Variants in ADAMTSL1 observed in about 807,000 individuals in gnomAD.
ADAMTSL1 encodes the protein ADAMTS-like protein 1.
ADAMTSL1 carries 126 observed loss-of-function variants against 201.8 expected under a neutral mutation model. That is an observed-to-expected ratio of 0.62 (90% confidence interval 0.54 to 0.72). The LOEUF (loss-of-function observed/expected upper bound fraction) is 0.72, where lower values mean the gene tolerates loss of function less well. ADAMTSL1 is among the 30% of genes least tolerant of loss of function. The probability of loss-of-function intolerance (pLI) is 0.00; values close to 1 mark genes in which losing one functional copy is unlikely to be tolerated. For missense variants in ADAMTSL1, 2,679 were observed against 2,277.8 expected, an observed-to-expected ratio of 1.18 and a Z score of -3.59; for synonymous variants, 1,121 against 903.4, an observed-to-expected ratio of 1.24 and a Z score of -4.32.
intron 3 of ADAMTSL1, among the ~76,000 whole-genome samples, chr9:18,561,838 A>AT (rs1251981033): frequency 6.6e-5 from 10 of 151,988 alleles, no homozygotes; most frequent in Admixed American, 6.6e-4. Context: ...AGAGACTAGG[A>AT]TTGTACCCCT....
At chr9:17,941,639 G>T (rs539946466) in intron 1 of ADAMTSL1, among the ~76,000 whole-genome samples, 3 of 152,064 alleles carry the variant, frequency 2.0e-5, no homozygotes, top group African/African-American at 7.2e-5. Flanking sequence ...GTATAGAGTC[G>T]GGGCAATATT....
At chr9:18,716,535 G>T (rs1832948391) in intron 14 of ADAMTSL1, among the ~76,000 whole-genome samples, 1 of 150,192 alleles carries the variant, frequency 6.7e-6, no homozygotes. Flanking sequence ...AAACCACAAT[G>T]AGATACCATC....
chr9:18,434,391 T>C (rs1384922727), intron 2 of ADAMTSL1, among the ~76,000 whole-genome samples: 1 of 152,150 alleles, frequency 6.6e-6, no homozygotes, highest in Admixed American at 6.5e-5. Context: ...CAAATTTTTA[T>C]GGAAACCTAC....
intron 2 of ADAMTSL1, among the ~76,000 whole-genome samples, chr9:18,192,931 A>G (rs1296781802): frequency 3.9e-5 from 6 of 152,116 alleles, no homozygotes; most frequent in South Asian, 4.1e-4. Context: ...GCTTGCTGCA[A>G]TTCCTATTTT....
At chr9:18,495,624 G>C (rs1822496711) in intron 1 of ADAMTSL1, among the ~76,000 whole-genome samples, 1 of 152,204 alleles carries the variant, frequency 6.6e-6, no homozygotes, top group Non-Finnish European at 1.5e-5. Context: ...TACAGCTACA[G>C]GTTAAGCTAG....
At chr9:18,703,701 C>CATATACATATATATATATAT (rs1832059369) in intron 13 of ADAMTSL1, among the ~76,000 whole-genome samples, 1 of 78,812 alleles carries the variant, frequency 1.3e-5, no homozygotes, top group South Asian at 4.5e-4. Context: ...TGCGCACATA[C>CATATACATATATATATATAT]ATATATATAT....
At position 18,669,935 on chromosome 9, in the gene ADAMTSL1, G is replaced by A. The variant is rs573832097; in HGVS notation, c.1086-5922G>A. Among the ~76,000 whole-genome samples the A allele has an allele frequency of 2.7e-4, 41 of 152,238 alleles. 1 individual carries two copies. Among genetic ancestry groups the A allele is most frequent in the African/African-American group, 9.6e-4 (40 of 41,554 alleles). ...TGACCTTCCAACTCCCAGCCTCTCA[G>A]GTGATCCTTTTCCTCATTATGGCCA... On this transcript the variant is annotated intron_variant, in intron 9 of 28. Transcript: ENST00000380548.
chr9:18,786,089 G>T (rs1821691546), intron 19 of ADAMTSL1, among the ~76,000 whole-genome samples: 1 of 152,190 alleles, frequency 6.6e-6, no homozygotes, highest in South Asian at 2.1e-4. Context: ...CAAAAGGAAT[G>T]CAAGTGAACT....
intron 23 of ADAMTSL1, among the ~76,000 whole-genome samples, 173 bp from the exon 24 acceptor site, chr9:18,887,658 C>A (rs1166013791): frequency 6.6e-6 from 1 of 152,068 alleles, no homozygotes; most frequent in Non-Finnish European, 1.5e-5. Flanking sequence ...CCTAGAAATT[C>A]AGAGAATAAA....
At chr9:18,134,277 G>T (rs1826068130) in intron 1 of ADAMTSL1, among the ~76,000 whole-genome samples, 1 of 152,148 alleles carries the variant, frequency 6.6e-6, no homozygotes, top group African/African-American at 2.4e-5. Context: ...CCGGTGTGCT[G>T]CTACTTATTT....
intron 2 of ADAMTSL1, among the ~76,000 whole-genome samples, chr9:18,418,942 A>G (rs146480314): frequency 1.3e-5 from 2 of 152,366 alleles, no homozygotes; most frequent in African/African-American, 2.4e-5. Context: ...AATACTTACT[A>G]TAAAGCTTCA....
chr9:18,101,571 C>G (rs574734465), intron 1 of ADAMTSL1, among the ~76,000 whole-genome samples: 1 of 151,924 alleles, frequency 6.6e-6, no homozygotes, highest in South Asian at 2.1e-4. Flanking sequence ...CTTTTTTCCC[C>G]TGGTAGCACA....
chr9:18,644,910 G>C (rs10811004), intron 7 of ADAMTSL1, among the ~76,000 whole-genome samples: 1 of 149,156 alleles, frequency 6.7e-6, no homozygotes, highest in Non-Finnish European at 1.5e-5. Flanking sequence ...CCCAGTAATG[G>C]GATGGCTGGG....
At chr9:18,085,626 C>T (rs1282727014) in intron 1 of ADAMTSL1, among the ~76,000 whole-genome samples, 1 of 146,238 alleles carries the variant, frequency 6.8e-6, no homozygotes, top group Non-Finnish European at 1.5e-5. Flanking sequence ...TACGTATATA[C>T]ACTGTGTGTG....
At chr9:18,434,077 G>T (rs1016247435) in intron 2 of ADAMTSL1, among the ~76,000 whole-genome samples, 1 of 152,198 alleles carries the variant, frequency 6.6e-6, no homozygotes, top group Non-Finnish European at 1.5e-5. Context: ...AGAATAGCTC[G>T]TAGATCATAG....
chr9:18,305,288 C>T (rs1833866611), intron 2 of ADAMTSL1, among the ~76,000 whole-genome samples: 1 of 152,204 alleles, frequency 6.6e-6, no homozygotes, highest in Non-Finnish European at 1.5e-5. Context: ...GCTGTTTGAG[C>T]AGCCACCAAG....
At chr9:18,824,690 CTTTTTTTTTTTTT>C (rs34551511) in intron 21 of ADAMTSL1, among the ~76,000 whole-genome samples, 2 of 75,706 alleles carry the variant, frequency 2.6e-5, no homozygotes, top group Admixed American at 2.1e-4. Context: ...GGACTTGACC[CTTTTTTTTTTTTT>C]TTTTTTTTTT....
At position 18,598,854 on chromosome 9, in the gene ADAMTSL1, A is replaced by G. The variant is rs532009544; in HGVS notation, c.475-23389A>G. Among the ~76,000 whole-genome samples the G allele has an allele frequency of 4.6e-5, 7 of 152,108 alleles. No homozygotes were observed. The South Asian group carries it at 1.5e-3, about 32-fold the overall frequency. ...GCGTTACAAGTGATTTAAGTAACAG[A>G]TATTTCAGAGAAAGGGACGGGGTGG... is the stretch of plus-strand genomic sequence containing the variant. On this transcript the variant is annotated intron_variant, in intron 4 of 28. Coordinates refer to ENST00000380548, the MANE Select transcript of ADAMTSL1 (RefSeq NM_001040272.6).
chr9:18,407,950 C>G (rs186486812), intron 2 of ADAMTSL1, among the ~76,000 whole-genome samples: 1 of 151,848 alleles, frequency 6.6e-6, no homozygotes, highest in Non-Finnish European at 1.5e-5. Flanking sequence ...TGTTTCAGTT[C>G]GAATAAAAAA....
Sources: allele counts gnomAD v4.1 joint callset (sites outside exome capture counted in the v4.1 genomes callset), GRCh38; gene constraint gnomAD v4.1.1; transcripts MANE v1.5; gene names NCBI Gene and HGNC (gene_info 2026-07-23, HGNC 2026-07-21).